The following PEX5L variants were observed in gnomAD, a reference collection of about 807,000 sequenced individuals.
The protein encoded by PEX5L is peroxisomal biogenesis factor 5 like, also known as PEX5-related protein.
A neutral mutation model predicts 84.0 loss-of-function variants in PEX5L; 30 were observed. The observed-to-expected ratio is 0.36, with a 90% CI of 0.27 to 0.48. The LOEUF (loss-of-function observed/expected upper bound fraction) is 0.48. Among genes scored for constraint, PEX5L ranks in the 20% least tolerant of loss-of-function variants. The probability of loss-of-function intolerance (pLI) is 0.99; values close to 1 mark genes in which losing one functional copy is unlikely to be tolerated. For synonymous variants in PEX5L, 270 were observed against 283.1 expected, an observed-to-expected ratio of 0.95 and a Z score of 0.46; for missense variants, 533 against 754.6, an observed-to-expected ratio of 0.71 and a Z score of 3.44.
At chr3:180,015,003 G>T (rs1392100242) in intron 1 of PEX5L, among the ~76,000 whole-genome samples, 2 of 152,126 alleles carry the variant, frequency 1.3e-5, no homozygotes, top group South Asian at 2.1e-4. Context: ...CATGAATAAG[G>T]TATATTCTTT....
chr3:179,982,997 T>C (rs1291304777), intron 1 of PEX5L, among the ~76,000 whole-genome samples: 1 of 152,056 alleles, frequency 6.6e-6, no homozygotes, highest in East Asian at 1.9e-4. Context: ...GTAAGTTTTT[T>C]TGAATAAAAG....
At chr3:180,024,401 C>T (rs1276043191) in intron 1 of PEX5L, among the ~76,000 whole-genome samples, 4 of 135,114 alleles carry the variant, frequency 3.0e-5, no homozygotes, top group Admixed American at 7.3e-5. Flanking sequence ...AAAAATTAGC[C>T]GTGCGTGGTG....
intron 8 of PEX5L, among the ~76,000 whole-genome samples, chr3:179,847,711 A>C (rs1474733184): frequency 1.3e-5 from 2 of 151,954 alleles, no homozygotes; most frequent in Non-Finnish European, 2.9e-5. Context: ...TTTTTTTTTG[A>C]GACAAGTTTT....
chr3:180,017,003 ATATT>A (rs1790002467), intron 1 of PEX5L, among the ~76,000 whole-genome samples: 1 of 152,196 alleles, frequency 6.6e-6, no homozygotes, highest in African/African-American at 2.4e-5. Flanking sequence ...TTAACACATC[ATATT>A]TATTTATGAA....
At position 179,813,497 on chromosome 3, in the gene PEX5L, C is replaced by T. The variant is rs565913819; in HGVS notation, c.1084-1626G>A. 3.9e-5 allele frequency among the ~76,000 whole-genome samples: 6 copies of T among 152,044 alleles called. No individual in the cohort carries two copies. The South Asian group carries it at 1.2e-3, about 32-fold the overall frequency. On this transcript the variant is annotated intron_variant, in intron 10 of 14. Coordinates refer to ENST00000467460, the MANE Select transcript of PEX5L (RefSeq NM_016559.3). ...TTCCTCTTCTACAACGAGAATATAT[C>T]TTTCATTTTATTTATTTTTGAGACA...
intron 8 of PEX5L, among the ~76,000 whole-genome samples, chr3:179,831,337 C>G (rs1732840611): frequency 6.6e-6 from 1 of 150,538 alleles, no homozygotes; most frequent in Non-Finnish European, 1.5e-5. Context: ...AAAAAAAAAC[C>G]TACAAGACCG....
chr3:179,996,754 T>C (rs1469980511), intron 1 of PEX5L, among the ~76,000 whole-genome samples: 2 of 152,170 alleles, frequency 1.3e-5, no homozygotes, highest in African/African-American at 4.8e-5. Context: ...AATAATTGGA[T>C]TGCAAGGTGG....
At chr3:179,986,257 C>T (rs1272748157) in intron 1 of PEX5L, among the ~76,000 whole-genome samples, 3 of 151,324 alleles carry the variant, frequency 2.0e-5, no homozygotes, top group African/African-American at 7.3e-5. Context: ...TAAATTTACC[C>T]TGGGGAGGAT....
At chr3:179,806,394 G>A (rs1045886138) in intron 14 of PEX5L, among the ~76,000 whole-genome samples, 10 of 152,166 alleles carry the variant, frequency 6.6e-5, no homozygotes, top group Admixed American at 1.3e-4. Context: ...AAAGCAAGCC[G>A]CTTGGTAAGG....
intron 2 of PEX5L, among the ~76,000 whole-genome samples, chr3:179,955,395 C>T (rs931698996): frequency 6.7e-6 from 1 of 149,698 alleles, no homozygotes; most frequent in Admixed American, 6.7e-5. Context: ...CTTGCTGAAG[C>T]TAATTGGGTT....
chr3:179,855,781 A>C (rs1242584337), intron 8 of PEX5L, among the ~76,000 whole-genome samples: 1 of 152,144 alleles, frequency 6.6e-6, no homozygotes, highest in African/African-American at 2.4e-5. Flanking sequence ...CTGCCATGTG[A>C]GGACCCAGCA....
intron 1 of PEX5L, among the ~76,000 whole-genome samples, chr3:180,028,291 G>A (rs1385101640): frequency 6.6e-6 from 1 of 152,114 alleles, no homozygotes; most frequent in Non-Finnish European, 1.5e-5. Flanking sequence ...AGAAACAGTG[G>A]TGAACACCTT....
At chr3:179,904,182 A>G (rs1399165684) in intron 2 of PEX5L, among the ~76,000 whole-genome samples, 1 of 152,118 alleles carries the variant, frequency 6.6e-6, no homozygotes, top group African/African-American at 2.4e-5. Flanking sequence ...CCCTTTATGT[A>G]TTTCTCCCTT....
chr3:179,944,106 A>T (rs1776890857), intron 2 of PEX5L, among the ~76,000 whole-genome samples: 1 of 152,186 alleles, frequency 6.6e-6, no homozygotes, highest in South Asian at 2.1e-4. Context: ...GAAACAGGTC[A>T]TCATGATGTC....
At chr3:179,848,328 A>G (rs1740420249) in intron 8 of PEX5L, among the ~76,000 whole-genome samples, 1 of 152,096 alleles carries the variant, frequency 6.6e-6, no homozygotes, top group South Asian at 2.1e-4. Flanking sequence ...AGGTGGGCAG[A>G]TCACTTGAGC....
intron 1 of PEX5L, among the ~76,000 whole-genome samples, chr3:180,024,020 T>C (rs1464105759): frequency 6.6e-6 from 1 of 152,154 alleles, no homozygotes; most frequent in East Asian, 1.9e-4. Context: ...AGTGTGTGCC[T>C]GGGTGTGGGA....
intron 2 of PEX5L, among the ~76,000 whole-genome samples, chr3:179,961,201 ATGTGTGTGTGTGTG>A (rs72242969): frequency 1.1e-4 from 7 of 65,250 alleles, no homozygotes; most frequent in Non-Finnish European, 2.3e-4. Flanking sequence ...GTGTATGTGT[ATGTGTGTGTGTGTG>A]TGTGTGTGTG....
chr3:179,885,343 C>T (rs899436780), intron 4 of PEX5L, among the ~76,000 whole-genome samples: 3 of 152,056 alleles, frequency 2.0e-5, no homozygotes, highest in African/African-American at 7.2e-5. Context: ...GGACTGGTGT[C>T]CTTATAAAAA....
chr3:179,924,279 C>T (rs1524511), intron 2 of PEX5L, among the ~76,000 whole-genome samples: 118,760 of 152,066 alleles, frequency 0.78, 46,670 homozygotes, highest in African/African-American at 0.85. Flanking sequence ...ATCTCTGCCA[C>T]GTACTGTAGT....
Sources: gnomAD v4.1 joint callset for allele counts (sites outside exome capture counted in the v4.1 genomes callset) on GRCh38, gnomAD v4.1.1 for gene constraint, MANE v1.5 for transcripts, NCBI Gene and HGNC (gene_info 2026-07-23, HGNC 2026-07-21) for gene names.